GPM6B: variants seen among roughly 807,000 people sequenced by gnomAD.
GPM6B encodes the protein glycoprotein M6B.
In GPM6B, 4 loss-of-function variants were observed where a neutral mutation model predicts 27.2. That is an observed-to-expected ratio of 0.15 (90% CI 0.07 to 0.34). The LOEUF is 0.34. Ranked by LOEUF, GPM6B falls within the 10% of genes least tolerant of loss-of-function variation. GPM6B has a pLI of 1.00. For synonymous variants in GPM6B, 124 were observed against 103.1 expected (o/e 1.20, Z -1.23); for missense variants, 183 against 261.9 (o/e 0.70, Z 2.08).
intron 1 of GPM6B, among the ~76,000 whole-genome samples, chrX:13,893,386 C>T (rs1174301864): frequency 1.0e-5 from 1 of 98,990 alleles, no homozygotes; most frequent in Admixed American, 1.2e-4. Flanking sequence ...AAGCACGAGA[C>T]GGTGTGGTGG....
chrX:13,803,255 G>A (rs2147168819), intron 2 of GPM6B, among the ~76,000 whole-genome samples: 1 of 111,289 alleles, frequency 9.0e-6, no homozygotes, highest in East Asian at 2.8e-4. Flanking sequence ...CAGACAAGGT[G>A]CAACATGAGT....
intron 2 of GPM6B, among the ~76,000 whole-genome samples, chrX:13,792,897 T>TA (rs748291980): frequency 0.06 from 4,830 of 80,871 alleles, 268 homozygotes; most frequent in East Asian, 0.17. Flanking sequence ...AGACTCCGTT[T>TA]AAAAAAAAAA....
At chrX:13,915,942 C>G (rs1001141038) in intron 1 of GPM6B, among the ~76,000 whole-genome samples, 1 of 111,751 alleles carries the variant, frequency 8.9e-6, no homozygotes, top group African/African-American at 3.3e-5. Flanking sequence ...AAATTCAAAA[C>G]TCTCTCAAAG....
intron 1 of GPM6B, among the ~76,000 whole-genome samples, chrX:13,892,449 C>G (rs1230389482): frequency 1.8e-5 from 2 of 112,281 alleles, no homozygotes; most frequent in African/African-American, 6.5e-5. Flanking sequence ...CAACCTAATA[C>G]AACACACACA....
At chrX:13,814,640 T>A (rs2049200891) in intron 1 of GPM6B, among the ~76,000 whole-genome samples, 2 of 112,469 alleles carry the variant, frequency 1.8e-5, no homozygotes, top group South Asian at 7.4e-4. Context: ...TTATCCTATG[T>A]GTACCTTAAT....
intron 1 of GPM6B, among the ~76,000 whole-genome samples, chrX:13,827,873 G>A (rs759860189): frequency 2.3e-4 from 26 of 111,891 alleles, no homozygotes; most frequent in African/African-American, 8.1e-4. Context: ...TGCTGTTTCA[G>A]CCACTCCCTG....
chrX:13,934,204 G>C (rs1921716842), intron 1 of GPM6B, among the ~76,000 whole-genome samples: 1 of 111,173 alleles, frequency 9.0e-6, no homozygotes, highest in Non-Finnish European at 1.9e-5. Context: ...ATGTCGGTTT[G>C]TGTCCCGATA....
chrX:13,814,812 T>C (rs2049204007), intron 1 of GPM6B, among the ~76,000 whole-genome samples: 1 of 111,949 alleles, frequency 8.9e-6, no homozygotes, highest in African/African-American at 3.2e-5. Flanking sequence ...CCTCTTGCTG[T>C]AGATCAGGAA....
chrX:13,931,363 C>T (rs1039871942), intron 1 of GPM6B, among the ~76,000 whole-genome samples: 12 of 109,597 alleles, frequency 1.1e-4, no homozygotes, highest in African/African-American at 4.0e-4. Flanking sequence ...TGGTGGGCGC[C>T]TGTAGTCCCA....
intron 7 of GPM6B, chrX:13,773,953 CT>C (rs772367299): frequency 0.016 from 6,996 of 432,718 alleles, no homozygotes; most frequent in Middle Eastern, 0.018. Flanking sequence ...CATATAAATC[CT>C]TTTTTTTTTT....
intron 1 of GPM6B, among the ~76,000 whole-genome samples, chrX:13,856,927 C>T (rs1180548068): frequency 9.0e-6 from 1 of 111,347 alleles, no homozygotes; most frequent in Non-Finnish European, 1.9e-5. Context: ...GGACTGAGTT[C>T]TTACGGAAGC....
intron 1 of GPM6B, among the ~76,000 whole-genome samples, chrX:13,902,914 G>A (rs1360730502): frequency 8.9e-6 from 1 of 111,805 alleles, no homozygotes; most frequent in Non-Finnish European, 1.9e-5. Flanking sequence ...CAACGAAAGA[G>A]GACCCAGTTG....
intron 1 of GPM6B, among the ~76,000 whole-genome samples, chrX:13,879,863 C>T (rs998025109): frequency 8.9e-6 from 1 of 111,736 alleles, no homozygotes; most frequent in Non-Finnish European, 1.9e-5. Context: ...TGAGGATTTG[C>T]ATTTCTAGCA....
At chrX:13,797,949 G>A (rs780081852) in intron 2 of GPM6B, among the ~76,000 whole-genome samples, 1 of 111,300 alleles carries the variant, frequency 9.0e-6, no homozygotes, top group Non-Finnish European at 1.9e-5. Context: ...CTAATCCACA[G>A]AGAAGGAGAG....
rs1295056461 is a variant in GPM6B at position 13,901,426 on chromosome X, GT to G, written c.-198+36900del. ...ACCATCTGGAATGCCCCACTTCCTT[GT>G]TTTTTTTTTTAAAAAAAAAGGACTC... On this transcript the variant is annotated intron_variant, in intron 1 of 6. Transcript: ENST00000398361. 2.3e-3 allele frequency among the ~76,000 whole-genome samples: 144 copies of G among 61,364 alleles called. 2 individuals are homozygous for G. Among genetic ancestry groups the G allele is most frequent in the African/African-American group, 9.1e-3 (108 of 11,828 alleles). The allele number at this position is 61,364 out of a possible 115,157, so 53.3% of individuals were successfully genotyped here.
chrX:13,872,259 C>T (rs888274248), intron 1 of GPM6B, among the ~76,000 whole-genome samples: 1 of 102,795 alleles, frequency 9.7e-6, no homozygotes, highest in Non-Finnish European at 2.0e-5. Flanking sequence ...GCAGCTTCAA[C>T]CTACCAGGCT....
chrX:13,879,778 G>A (rs937540027), intron 1 of GPM6B, among the ~76,000 whole-genome samples: 2 of 112,195 alleles, frequency 1.8e-5, no homozygotes, highest in Non-Finnish European at 3.8e-5. Context: ...ATTCTGAGGT[G>A]CATCAGCTGG....
intron 2 of GPM6B, among the ~76,000 whole-genome samples, chrX:13,795,739 TTTC>T (rs2048799939): frequency 1.0e-5 from 1 of 96,996 alleles, no homozygotes; most frequent in Non-Finnish European, 2.0e-5. Flanking sequence ...TCTAATTTCT[TTTC>T]TTTTTTTTTT....
chrX:13,815,329 T>C (rs1234289727), intron 1 of GPM6B, among the ~76,000 whole-genome samples: 1 of 112,123 alleles, frequency 8.9e-6, no homozygotes, highest in Non-Finnish European at 1.9e-5. Context: ...TGCTATTACA[T>C]TATCATACCC....
Sources: allele counts gnomAD v4.1 joint callset (sites outside exome capture counted in the v4.1 genomes callset), GRCh38; gene constraint gnomAD v4.1.1; transcripts MANE v1.5; gene names NCBI Gene and HGNC (gene_info 2026-07-23, HGNC 2026-07-21).